Variants in LRRC4C observed in about 807,000 individuals in gnomAD.
LRRC4C encodes the protein leucine rich repeat containing 4C.
Under a neutral mutation model 33.6 loss-of-function variants are expected in LRRC4C, and 5 were observed. That is an observed-to-expected ratio of 0.15 (90% CI 0.08 to 0.31). The LOEUF (loss-of-function observed/expected upper bound fraction) is 0.31. Ranked by LOEUF, LRRC4C falls within the 10% of genes least tolerant of loss-of-function variation. The probability of loss-of-function intolerance (pLI) is 1.00; values close to 1 mark genes in which losing one functional copy is unlikely to be tolerated. For synonymous variants in LRRC4C, 329 were observed against 302.0 expected (o/e 1.09, Z -0.93); for missense variants, 560 against 796.7 (o/e 0.70, Z 3.58).
rs72888879 is a variant in LRRC4C at position 40,583,507 on chromosome 11, C to T, written c.-270+64635G>A. On this transcript the variant is annotated intron_variant, in intron 3 of 6. Transcript: ENST00000528697. ...TGCCTTGCTTGCCCCTAACCATCTT[C>T]CTCATCTCTATTTGTTTGGCGTACC... is the stretch of plus-strand genomic sequence containing the variant. Among the ~76,000 whole-genome samples, 545 of 152,244 alleles carry T rather than the reference C, an allele frequency of 3.6e-3. 1 individual carries two copies. Among genetic ancestry groups the T allele is most frequent in the Non-Finnish European group, 5.9e-3 (403 of 68,028 alleles).
intron 2 of LRRC4C, among the ~76,000 whole-genome samples, chr11:40,763,015 G>A (rs1245553481): frequency 1.6e-5 from 2 of 121,806 alleles, no homozygotes; most frequent in South Asian, 2.6e-4. Flanking sequence ...ATACTCATTT[G>A]CAATATTATG....
At chr11:40,869,892 A>G (rs946979041) in intron 2 of LRRC4C, among the ~76,000 whole-genome samples, 2 of 152,160 alleles carry the variant, frequency 1.3e-5, no homozygotes, top group Non-Finnish European at 2.9e-5. Flanking sequence ...GTCCTGCTCT[A>G]AAACTTGCCT....
At chr11:40,302,478 A>G (rs1175636902) in intron 4 of LRRC4C, among the ~76,000 whole-genome samples, 2 of 152,162 alleles carry the variant, frequency 1.3e-5, no homozygotes, top group African/African-American at 4.8e-5. Context: ...AAAGAATGGT[A>G]AAATTACGAT....
At chr11:40,963,527 C>A (rs1271718519) in intron 1 of LRRC4C, among the ~76,000 whole-genome samples, 2 of 151,634 alleles carry the variant, frequency 1.3e-5, no homozygotes, top group Non-Finnish European at 3.0e-5. Context: ...CAATGCTTCC[C>A]CTGACTGCCT....
intron 3 of LRRC4C, among the ~76,000 whole-genome samples, chr11:40,481,215 T>A (rs1206147005): frequency 6.6e-6 from 1 of 152,094 alleles, no homozygotes; most frequent in Non-Finnish European, 1.5e-5. Flanking sequence ...ATTGCACCAG[T>A]CAGGACAGAA....
chr11:40,130,783 G>A (rs974257696), intron 6 of LRRC4C, among the ~76,000 whole-genome samples: 1 of 152,094 alleles, frequency 6.6e-6, no homozygotes, highest in Admixed American at 6.6e-5. Flanking sequence ...TACAGTCTAG[G>A]CTGCAGTGTG....
intron 1 of LRRC4C, among the ~76,000 whole-genome samples, chr11:41,101,629 C>G (rs999978143): frequency 2.0e-5 from 3 of 152,166 alleles, no homozygotes; most frequent in Non-Finnish European, 4.4e-5. Flanking sequence ...CTATTCCACC[C>G]AGCGATCCCA....
At chr11:41,102,049 T>A (rs912597475) in intron 1 of LRRC4C, among the ~76,000 whole-genome samples, 1 of 151,922 alleles carries the variant, frequency 6.6e-6, no homozygotes, top group Admixed American at 6.6e-5. Flanking sequence ...CTCAGTTACT[T>A]GGTGATGAAA....
At position 40,114,343 on chromosome 11, in the gene LRRC4C, T is replaced by C. The variant is rs763949913; in HGVS notation, c.*27A>G. On this transcript the variant is annotated 3_prime_UTR_variant, in exon 7 of 7. Transcript: ENST00000528697. ...AATAAACTGTCTTTTTTTTTGATTG[T>C]TTGTTTTTTGTAACTCTGTAAATGT... 3 of 1,523,252 alleles carry C rather than the reference T, an allele frequency of 2.0e-6. No homozygotes were observed. In the South Asian group the frequency reaches 4.0e-5, roughly 20 times the overall value. 94.4% of individuals were successfully genotyped at this position (1,523,252 alleles called of 1,614,324 possible). A position where few individuals can be genotyped will look rare whatever the true frequency, so the allele number is the denominator to read the frequency against.
At chr11:40,189,424 G>C (rs1298807519) in intron 5 of LRRC4C, among the ~76,000 whole-genome samples, 1 of 152,018 alleles carries the variant, frequency 6.6e-6, no homozygotes, top group African/African-American at 2.4e-5. Context: ...TATTTGCTTT[G>C]GTTTTATAGT....
At chr11:40,697,599 C>G (rs771118855) in intron 2 of LRRC4C, among the ~76,000 whole-genome samples, 6 of 152,118 alleles carry the variant, frequency 3.9e-5, no homozygotes, top group Non-Finnish European at 8.8e-5. Context: ...ATTTTACAAC[C>G]TATGGATCAT....
chr11:40,286,561 T>C (rs1943854299), intron 4 of LRRC4C, among the ~76,000 whole-genome samples: 1 of 152,192 alleles, frequency 6.6e-6, no homozygotes, highest in African/African-American at 2.4e-5. Context: ...TTTATTTATA[T>C]GCTCCATAAA....
chr11:40,336,837 A>C (rs1450036261), intron 3 of LRRC4C, among the ~76,000 whole-genome samples: 4 of 151,792 alleles, frequency 2.6e-5, no homozygotes, highest in East Asian at 3.9e-4. Context: ...ATTAGTCGGG[A>C]GTGGCGGGGG....
rs370503522 is a variant in LRRC4C at position 40,858,295 on chromosome 11, T to C, written c.-407+75340A>G. On this transcript the variant is annotated intron_variant, in intron 2 of 6. Coordinates refer to ENST00000528697, the MANE Select transcript of LRRC4C (RefSeq NM_001258419.2). ...ACTACATTATGGCTAGTCTTGAAAA[T>C]AGGAGCAATTAAGAGCTTGGTTGTT... Among the ~76,000 whole-genome samples the C allele has an allele frequency of 1.5e-4, 23 of 152,206 alleles. No homozygotes were observed. The East Asian group carries it at 1.5e-3, about 10-fold the overall frequency.
intron 1 of LRRC4C, among the ~76,000 whole-genome samples, chr11:41,196,821 C>T (rs1002650070): frequency 2.0e-5 from 3 of 151,954 alleles, no homozygotes; most frequent in Non-Finnish European, 2.9e-5. Context: ...TCACCAGGGA[C>T]TAAAAATTCA....
At chr11:40,911,565 C>T (rs1031451785) in intron 2 of LRRC4C, among the ~76,000 whole-genome samples, 2 of 152,074 alleles carry the variant, frequency 1.3e-5, no homozygotes, top group Non-Finnish European at 2.9e-5. Context: ...TCATCAAAGA[C>T]CAAATGCAGA....
intron 1 of LRRC4C, among the ~76,000 whole-genome samples, chr11:40,955,522 A>G (rs1958915984): frequency 6.6e-6 from 1 of 151,810 alleles, no homozygotes; most frequent in African/African-American, 2.4e-5. Context: ...CTTAATTATA[A>G]TCTCTTCTAC....
intron 1 of LRRC4C, among the ~76,000 whole-genome samples, chr11:41,371,274 A>T (rs1378655547): frequency 2.0e-5 from 3 of 152,094 alleles, no homozygotes; most frequent in Non-Finnish European, 4.4e-5. Flanking sequence ...TATTTTGGAA[A>T]CTCCCGCTTA....
In LRRC4C at chr11:41,097,524, C is replaced by T. The variant is rs377074743; in HGVS notation, c.-495-163801G>A. Among the ~76,000 whole-genome samples the T allele has an allele frequency of 2.8e-4, 43 of 152,034 alleles. No homozygotes were observed. The East Asian group carries it at 7.4e-3, about 26-fold the overall frequency. ...CCAAGATGAGAAATGTGAGTCATAC[C>T]CAGAAGATCTCTAAAAATAATAGTG... is the stretch of plus-strand genomic sequence containing the variant. On this transcript the variant is annotated intron_variant, in intron 1 of 6. Coordinates refer to ENST00000528697, the MANE Select transcript of LRRC4C (RefSeq NM_001258419.2).
Sources: gnomAD v4.1 joint callset for allele counts (sites outside exome capture counted in the v4.1 genomes callset) on GRCh38, gnomAD v4.1.1 for gene constraint, MANE v1.5 for transcripts, NCBI Gene and HGNC (gene_info 2026-07-23, HGNC 2026-07-21) for gene names.